The following PRKCE variants were observed in gnomAD, a reference collection of about 807,000 sequenced individuals.
The protein encoded by PRKCE is protein kinase C epsilon.
In PRKCE, 16 loss-of-function variants were observed where a neutral mutation model predicts 85.4. The ratio of observed to expected loss-of-function variants is 0.19; its 90% CI spans 0.13 to 0.28. The LOEUF (loss-of-function observed/expected upper bound fraction) is 0.28. Among genes scored for constraint, PRKCE ranks in the 10% least tolerant of loss-of-function variants. The pLI, the probability that PRKCE is intolerant of heterozygous loss-of-function variation, is 1.00. For synonymous variants in PRKCE, 388 were observed against 371.5 expected (o/e 1.04, Z -0.51); for missense variants, 573 against 975.2 (o/e 0.59, Z 5.49).
intron 1 of PRKCE, among the ~76,000 whole-genome samples, chr2:45,785,721 C>T (rs1686550348): frequency 6.6e-6 from 1 of 152,110 alleles, no homozygotes; most frequent in African/African-American, 2.4e-5. Flanking sequence ...CTTATGGTGA[C>T]CACTACCCTC....
Position 46,097,227 on chromosome 2 carries a change from C to G in PRKCE, c.1592+10865C>G, listed in dbSNP as rs575205868. 3.9e-5 allele frequency among the ~76,000 whole-genome samples: 6 copies of G among 152,210 alleles called. No individual in the cohort carries two copies. The South Asian group carries it at 1.2e-3, about 32-fold the overall frequency. On this transcript the variant is annotated intron_variant, in intron 11 of 14. Coordinates refer to ENST00000306156, the MANE Select transcript of PRKCE (RefSeq NM_005400.3). ...TGACAGATCTGCTTGCATTATAAAG[C>G]TGCAAAGTCGGCAGGGTGCAGTGGC...
chr2:46,024,286 CT>C (rs1026248717), intron 10 of PRKCE, among the ~76,000 whole-genome samples: 2 of 151,702 alleles, frequency 1.3e-5, no homozygotes, highest in African/African-American at 2.4e-5. Flanking sequence ...AACAGACCCT[CT>C]GCTTCCTGTT....
intron 1 of PRKCE, among the ~76,000 whole-genome samples, chr2:45,715,090 C>T (rs1679977601): frequency 1.3e-5 from 2 of 152,242 alleles, no homozygotes; most frequent in South Asian, 4.1e-4. Flanking sequence ...CACAGGCAGG[C>T]AGGCAACTCG....
intron 1 of PRKCE, among the ~76,000 whole-genome samples, chr2:45,660,591 G>C (rs531849823): frequency 6.6e-6 from 1 of 152,140 alleles, no homozygotes; most frequent in African/African-American, 2.4e-5. Context: ...AAATTCCGGC[G>C]CCTGAACTCA....
chr2:45,915,397 C>A (rs1435199597), intron 2 of PRKCE, among the ~76,000 whole-genome samples: 3 of 152,130 alleles, frequency 2.0e-5, no homozygotes, highest in Non-Finnish European at 4.4e-5. Context: ...GCATGAACTT[C>A]CAAGAACAAA....
intron 11 of PRKCE, among the ~76,000 whole-genome samples, chr2:46,108,689 G>C (rs1671974072): frequency 1.3e-5 from 2 of 152,160 alleles, no homozygotes; most frequent in Admixed American, 6.5e-5. Flanking sequence ...CATAAGTTCT[G>C]AATTTTAATA....
intron 6 of PRKCE, 139 bp downstream of exon 6, chr2:45,984,819 T>C (rs1276780913): frequency 1.6e-6 from 2 of 1,227,512 alleles, no homozygotes; most frequent in South Asian, 1.6e-5. Flanking sequence ...TAATCCTGCA[T>C]TAGTAACTCT....
At chr2:46,093,199 A>G (rs985563225) in intron 11 of PRKCE, among the ~76,000 whole-genome samples, 5 of 152,230 alleles carry the variant, frequency 3.3e-5, no homozygotes, top group African/African-American at 9.6e-5. Flanking sequence ...CATGGCAGAA[A>G]TGATGAGTTA....
At chr2:45,671,357 C>T (rs1676149638) in intron 1 of PRKCE, among the ~76,000 whole-genome samples, 1 of 152,170 alleles carries the variant, frequency 6.6e-6, no homozygotes, top group Non-Finnish European at 1.5e-5. Flanking sequence ...CTTTTTAGGA[C>T]AAAGGTTTTT....
chr2:45,818,534 A>T (rs1259955824), intron 1 of PRKCE, among the ~76,000 whole-genome samples: 3 of 152,196 alleles, frequency 2.0e-5, no homozygotes, highest in Non-Finnish European at 4.4e-5. Context: ...TTAAATGAGA[A>T]CATCTAAAGG....
intron 6 of PRKCE, among the ~76,000 whole-genome samples, chr2:45,991,331 C>G (rs1439312520): frequency 6.6e-6 from 1 of 152,044 alleles, no homozygotes; most frequent in Non-Finnish European, 1.5e-5. Context: ...TCTGTCTCTC[C>G]CAATCCAAAT....
intron 6 of PRKCE, among the ~76,000 whole-genome samples, chr2:45,995,278 T>C (rs926138483): frequency 5.3e-5 from 8 of 152,122 alleles, no homozygotes; most frequent in African/African-American, 1.9e-4. Flanking sequence ...GTTTTGTTTG[T>C]TTTTTGTTTG....
intron 2 of PRKCE, among the ~76,000 whole-genome samples, chr2:45,891,610 C>T (rs1335969569): frequency 6.6e-6 from 1 of 152,184 alleles, no homozygotes; most frequent in Non-Finnish European, 1.5e-5. Flanking sequence ...TGTTGGACTC[C>T]TTCGGCTTCT....
At chr2:45,899,114 C>T (rs1478577799) in intron 2 of PRKCE, among the ~76,000 whole-genome samples, 1 of 152,170 alleles carries the variant, frequency 6.6e-6, no homozygotes, top group Non-Finnish European at 1.5e-5. Flanking sequence ...AAGACTGCAG[C>T]CGTTTTGAGT....
Position 46,145,071 on chromosome 2 carries a change from A to T in PRKCE, c.1593-22A>T. On this transcript the variant is annotated intron_variant, in intron 11 of 14. Coordinates refer to ENST00000306156, the MANE Select transcript of PRKCE (RefSeq NM_005400.3). The surrounding 1 kb of genome is among the most constrained non-coding windows in gnomAD (Gnocchi z 4.6). The stretch of plus-strand genomic sequence containing the variant: ...TTGGGGTGAGTGACGTATTGACATT[A>T]TGGTCCTGGCCTATCTTGCAGGGAT... 3 of 1,599,612 alleles carry T rather than the reference A, an allele frequency of 1.9e-6. No individual in the cohort carries two copies. Among genetic ancestry groups the T allele is most frequent in the Non-Finnish European group, 2.5e-6 (3 of 1,179,852 alleles).
intron 10 of PRKCE, among the ~76,000 whole-genome samples, chr2:46,032,055 A>G (rs561457985): frequency 1.3e-5 from 2 of 152,348 alleles, no homozygotes; most frequent in African/African-American, 4.8e-5. Context: ...TCCTTTGCGC[A>G]GTGGAAATAA....
chr2:46,033,811 G>T (rs1707690634), intron 10 of PRKCE, among the ~76,000 whole-genome samples: 1 of 152,206 alleles, frequency 6.6e-6, no homozygotes, highest in South Asian at 2.1e-4. Context: ...CAGGGCAACT[G>T]GGCATGGGAG....
chr2:46,114,222 CG>C (rs1355971441), intron 11 of PRKCE, among the ~76,000 whole-genome samples: 2 of 152,002 alleles, frequency 1.3e-5, no homozygotes, highest in African/African-American at 4.8e-5. Flanking sequence ...GTATAAACTT[CG>C]GGGGTATAAA....
intron 1 of PRKCE, among the ~76,000 whole-genome samples, chr2:45,780,066 A>AAGACAAG (rs57738387): frequency 1.3e-5 from 2 of 151,316 alleles, no homozygotes; most frequent in Non-Finnish European, 3.0e-5. Flanking sequence ...TCGATCTCAA[A>AAGACAAG]GACACTTTTA....
Sources: gnomAD v4.1 joint callset for allele counts (sites outside exome capture counted in the v4.1 genomes callset) on GRCh38, gnomAD v4.1.1 for gene constraint, Gnocchi (gnomAD v3.1) non-coding constraint, MANE v1.5 for transcripts, NCBI Gene and HGNC (gene_info 2026-07-23, HGNC 2026-07-21) for gene names.